ENPP3: variants seen among roughly 807,000 people sequenced by gnomAD.
The protein encoded by ENPP3 is ectonucleotide pyrophosphatase/phosphodiesterase 3, also known as ectonucleotide pyrophosphatase/phosphodiesterase family member 3.
A neutral mutation model predicts 117.8 loss-of-function variants in ENPP3; 104 were observed. That is an observed-to-expected ratio of 0.88 (90% CI 0.75 to 1.04). The LOEUF is 1.04. Among genes scored for constraint, ENPP3 ranks in the 50% least tolerant of loss-of-function variants. ENPP3 has a pLI of 0.00. For synonymous variants in ENPP3, 380 were observed against 349.9 expected, an observed-to-expected ratio of 1.09 and a Z score of -0.96; for missense variants, 1,026 against 1,051.9, an observed-to-expected ratio of 0.98 and a Z score of 0.34.
chr6:131,712,386 G>A (rs1188111777), intron 15 of ENPP3, among the ~76,000 whole-genome samples: 1 of 148,726 alleles, frequency 6.7e-6, no homozygotes, highest in South Asian at 2.1e-4. Context: ...TTTAAGCTGT[G>A]TTATGATAAT....
chr6:131,717,190 T>G (rs1779910503), intron 15 of ENPP3, among the ~76,000 whole-genome samples: 1 of 152,048 alleles, frequency 6.6e-6, no homozygotes, highest in Non-Finnish European at 1.5e-5. Context: ...CTGGTCAGAT[T>G]TGTGATTTAT....
intron 15 of ENPP3, among the ~76,000 whole-genome samples, chr6:131,697,973 A>G (rs376257787): frequency 3.9e-5 from 6 of 152,162 alleles, no homozygotes; most frequent in African/African-American, 1.4e-4. Flanking sequence ...GGAAGGTATT[A>G]TGGTTAACTT....
chr6:131,692,785 GATATAATATGTAGTT>G (rs1344240720), intron 14 of ENPP3, among the ~76,000 whole-genome samples: 45 of 143,352 alleles, frequency 3.1e-4, no homozygotes, highest in African/African-American at 1.1e-3. Flanking sequence ...GGTTATATAT[GATATAATATGTAGTT>G]ATATATGATA....
At position 131,652,716 on chromosome 6, in the gene ENPP3, T is replaced by G. The variant is rs757035189; in HGVS notation, c.403+49T>G. 3.5e-5 allele frequency: 56 copies of G among 1,610,834 alleles called. 1 individual carries two copies. The South Asian group carries it at 6.2e-4, about 18-fold the overall frequency. ...TTTGCCCCTGCGAGTTTAGAGGAACTCCATGAGTTTCCTAGAGCCATGCTA... is the reference window on the plus strand; with the variant it reads ...TTTGCCCCTGCGAGTTTAGAGGAACGCCATGAGTTTCCTAGAGCCATGCTA... On this transcript the variant is annotated intron_variant, in intron 4 of 24. Transcript: ENST00000357639.
In ENPP3 at chr6:131,709,762, A is replaced by G. The variant is rs537342532; in HGVS notation, c.1413-8910A>G. 50 of 1,613,308 alleles carry G rather than the reference A, an allele frequency of 3.1e-5. No individual in the cohort carries two copies. In the African/African-American group the frequency reaches 6.3e-4, roughly 20 times the overall value. ...AGTGGCATGGCTGATCTTTTCTTCC[A>G]CTCTAGAAAGCTTCTCTTCTTCCTC... On this transcript the variant is annotated intron_variant, in intron 15 of 24. Transcript: ENST00000357639.
At chr6:131,683,629 T>A (rs1355477809) in intron 12 of ENPP3, among the ~76,000 whole-genome samples, 2 of 152,130 alleles carry the variant, frequency 1.3e-5, no homozygotes, top group Non-Finnish European at 2.9e-5. Context: ...CTACTTGAGG[T>A]TAACTCTTGA....
At chr6:131,695,511 T>A (rs1779385022) in intron 15 of ENPP3, among the ~76,000 whole-genome samples, 1 of 152,364 alleles carries the variant, frequency 6.6e-6, no homozygotes, top group South Asian at 2.1e-4. Context: ...TTTTCTCATC[T>A]GTAACACAAG....
chr6:131,692,292 G>C (rs1361091760), intron 14 of ENPP3, among the ~76,000 whole-genome samples: 3 of 151,852 alleles, frequency 2.0e-5, no homozygotes, highest in Non-Finnish European at 4.4e-5. Context: ...TACATAAATA[G>C]ATACCAATGT....
At chr6:131,654,673 G>A (rs1778346405) in intron 5 of ENPP3, among the ~76,000 whole-genome samples, 1 of 152,032 alleles carries the variant, frequency 6.6e-6, no homozygotes, top group Admixed American at 6.6e-5. Context: ...GAACTTCTGG[G>A]CTCAAGTGAT....
At chr6:131,732,710 C>CATTATTATTATT (rs71030755) in intron 20 of ENPP3, among the ~76,000 whole-genome samples, 9 of 131,750 alleles carry the variant, frequency 6.8e-5, no homozygotes, top group African/African-American at 1.1e-4. Flanking sequence ...TGGCCTAAGA[C>CATTATTATTATT]ATTATTATTA....
At chr6:131,653,984 A>G (rs989631164) in intron 5 of ENPP3, among the ~76,000 whole-genome samples, 1 of 151,958 alleles carries the variant, frequency 6.6e-6, no homozygotes, top group Non-Finnish European at 1.5e-5. Context: ...CCATTTCTCC[A>G]TCCACCCCTC....
intron 23 of ENPP3, among the ~76,000 whole-genome samples, chr6:131,739,628 A>G (rs949818213): frequency 2.9e-5 from 3 of 104,082 alleles, no homozygotes; most frequent in Non-Finnish European, 5.9e-5. Flanking sequence ...GTATTCTAAC[A>G]TTTTTTCATG....
intron 6 of ENPP3, among the ~76,000 whole-genome samples, chr6:131,671,040 C>G (rs1270950626): frequency 6.6e-6 from 1 of 152,128 alleles, no homozygotes. Context: ...AATCTATACA[C>G]CTTGATTTAG....
intron 1 of ENPP3, among the ~76,000 whole-genome samples, chr6:131,639,616 T>A (rs1042140444): frequency 6.6e-6 from 1 of 152,148 alleles, no homozygotes; most frequent in Admixed American, 6.5e-5. Flanking sequence ...TTTACTAAAG[T>A]TTCACTTAAA....
chr6:131,692,444 C>T lies in ENPP3; in HGVS notation c.1285-1053C>T, dbSNP rs183730416. Reference sequence around the variant, plus strand: ...AGGTTTCAAAAGCCATTGACTTGATCGGAAAACTAAGCAAATGTAGGTTAT... The same window carrying T: ...AGGTTTCAAAAGCCATTGACTTGATTGGAAAACTAAGCAAATGTAGGTTAT... On this transcript the variant is annotated intron_variant, in intron 14 of 24. Coordinates refer to ENST00000357639, the MANE Select transcript of ENPP3 (RefSeq NM_005021.5). Among the ~76,000 whole-genome samples the T allele has an allele frequency of 1.8e-4, 27 of 151,826 alleles. 1 individual carries two copies. The East Asian group carries it at 2.7e-3, about 15-fold the overall frequency.
chr6:131,637,509 T>G, intron 1 of ENPP3, 47 bp downstream of exon 1: 1 of 1,105,712 alleles, frequency 9.0e-7, no homozygotes, highest in Non-Finnish European at 1.3e-6. Context: ...GTGACAAATG[T>G]TAAAAGTATA....
intron 2 of ENPP3, among the ~76,000 whole-genome samples, chr6:131,648,908 T>A (rs1778204974): frequency 6.6e-6 from 1 of 152,188 alleles, no homozygotes; most frequent in South Asian, 2.1e-4. Context: ...GTATCTTTAG[T>A]TTATGTCTCT....
intron 2 of ENPP3, among the ~76,000 whole-genome samples, chr6:131,647,344 A>G (rs1339456032): frequency 6.6e-6 from 1 of 152,194 alleles, no homozygotes; most frequent in East Asian, 1.9e-4. Flanking sequence ...TGATATAATA[A>G]TTTAATAAAT....
intron 1 of ENPP3, among the ~76,000 whole-genome samples, chr6:131,640,906 T>C (rs1206350690): frequency 6.6e-6 from 1 of 152,204 alleles, no homozygotes; most frequent in Non-Finnish European, 1.5e-5. Flanking sequence ...AGTTTCCAAA[T>C]TATCCTAAGT....
Sources: allele counts gnomAD v4.1 joint callset (sites outside exome capture counted in the v4.1 genomes callset), GRCh38; gene constraint gnomAD v4.1.1; transcripts MANE v1.5; gene names NCBI Gene and HGNC (gene_info 2026-07-23, HGNC 2026-07-21).